Variants in ARAP1 observed in about 807,000 individuals in gnomAD.
ARAP1 encodes arf-GAP with Rho-GAP domain, ANK repeat and PH domain-containing protein 1.
Under a neutral mutation model 172.2 loss-of-function variants are expected in ARAP1, and 76 were observed. The observed-to-expected ratio is 0.44, with a 90% CI of 0.37 to 0.53. ARAP1 has a LOEUF of 0.53. Among genes scored for constraint, ARAP1 ranks in the 20% least tolerant of loss-of-function variants. The probability of loss-of-function intolerance (pLI) is 0.00; values close to 1 mark genes in which losing one functional copy is unlikely to be tolerated. For synonymous variants in ARAP1, 804 were observed against 803.3 expected, an observed-to-expected ratio of 1.00 and a Z score of -0.01; for missense variants, 1,686 against 1,977.5, an observed-to-expected ratio of 0.85 and a Z score of 2.80.
chr11:72,699,623 C>G lies in ARAP1; in HGVS notation c.2303-71G>C. 1.9e-6 allele frequency: 3 copies of G among 1,544,276 alleles called. No homozygotes were observed. Among genetic ancestry groups the G allele is most frequent in the Middle Eastern group, 2.1e-4 (1 of 4,860 alleles). ...CCTGAAAACCACCTCTGCATCCTCCCGGGGCTCCTGCTCCCATCTGACCCA... is the reference window on the plus strand; with the variant it reads ...CCTGAAAACCACCTCTGCATCCTCCGGGGGCTCCTGCTCCCATCTGACCCA... On this transcript the variant is annotated intron_variant, in intron 16 of 34. Transcript: ENST00000393609. The surrounding 1 kb of genome is among the most constrained non-coding windows in gnomAD (Gnocchi z 4.2).
Position 72,728,317 on chromosome 11 carries a change from A to G in ARAP1, c.-44-1145T>C, listed in dbSNP as rs139392062. Reference sequence around the variant, plus strand: ...AATTAATATAACAGACTGGCCGGGCACAACTATAATCCTAGCACTTTAGGA... The same window carrying G: ...AATTAATATAACAGACTGGCCGGGCGCAACTATAATCCTAGCACTTTAGGA... On this transcript the variant is annotated intron_variant, in intron 2 of 34. Coordinates refer to ENST00000393609, the MANE Select transcript of ARAP1 (RefSeq NM_001040118.3). Among the ~76,000 whole-genome samples, 6 of 152,360 alleles carry G rather than the reference A, an allele frequency of 3.9e-5. No individual in the cohort carries two copies. In the East Asian group the frequency reaches 1.2e-3, roughly 29 times the overall value.
chr11:72,713,405 C>T (rs923269028), intron 4 of ARAP1, among the ~76,000 whole-genome samples, 162 bp from the exon 5 acceptor site: 2 of 152,150 alleles, frequency 1.3e-5, no homozygotes, highest in African/African-American at 2.4e-5. Flanking sequence ...GCGATTTATA[C>T]CCCCAGGCCT....
In ARAP1 at chr11:72,712,238, G is replaced by C. The variant is rs1404801891; in HGVS notation, c.980C>G (p.Pro327Arg). The C allele has an allele frequency of 1.2e-6, 2 of 1,608,114 alleles. No individual in the cohort carries two copies. Among genetic ancestry groups the C allele is most frequent in the Non-Finnish European group, 1.7e-6 (2 of 1,177,522 alleles). The change falls in exon 7 of 35, where the codon CCA becomes CGA. Residue 327 changes from proline to arginine, a missense_variant. Transcript: ENST00000393609. ...GTCCAGCCAGCCAGCCTTGATGACT[G>C]GTGTGACGGGGGTGGAGCCCCCAGG... The part of the protein sequence containing the change: ...GPPGGSTPVT[P>R]VIKAGWLDKN...
chr11:72,735,669 T>C (rs976651612), intron 1 of ARAP1, among the ~76,000 whole-genome samples: 11 of 152,174 alleles, frequency 7.2e-5, no homozygotes, highest in African/African-American at 2.2e-4. Context: ...CACAGATTGA[T>C]AGATGACGGT....
rs776178435 is a variant in ARAP1, at chr11:72,699,492, C to T, written c.2363G>A (p.Arg788Gln). ...DGVLSYFENE[R>Q]AVTPNGEIRA... ...AATCTCTCCATTGGGGGTCACTGCCCGCTCATTCTCAAAGTAGCTCAGGAC... is the reference window on the plus strand; with the variant it reads ...AATCTCTCCATTGGGGGTCACTGCCTGCTCATTCTCAAAGTAGCTCAGGAC... The change falls in exon 17 of 35, where the codon CGG (arginine) becomes CAG (glutamine). Residue 788 changes from arginine (R) to glutamine (Q), a missense_variant. Around this residue, in one of 5 missense-constraint regions of ARAP1, gnomAD observed 688 missense variants for 856.9 expected, o/e 0.80. Transcript: ENST00000393609. This position sits in a 1 kb window ranked among gnomAD's most constrained non-coding sequence, Gnocchi z 4.2. The T allele has an allele frequency of 1.7e-5, 28 of 1,613,860 alleles. No homozygotes were observed. Among genetic ancestry groups the T allele is most frequent in the East Asian group, 2.2e-5 (1 of 44,884 alleles).
At chr11:72,724,213 C>A (rs527548388) in intron 3 of ARAP1, among the ~76,000 whole-genome samples, 1 of 152,274 alleles carries the variant, frequency 6.6e-6, no homozygotes, top group African/African-American at 2.4e-5. Flanking sequence ...TGGGTGCACA[C>A]ACAGACTGGC....
chr11:72,693,304 G>A lies in ARAP1; in HGVS notation c.3954+21C>T, dbSNP rs987478780. On this transcript the variant is annotated intron_variant, in intron 29 of 34. Transcript: ENST00000393609. The surrounding 1 kb of genome is among the most constrained non-coding windows in gnomAD (Gnocchi z 4.6). ...GTGTACAGGTGCCCACCCTGGGGCA[G>A]AACCCAGCGGGGCCACTTACCCGGA... 4.3e-6 allele frequency: 7 copies of A among 1,611,852 alleles called. No homozygotes were observed. Among genetic ancestry groups the A allele is most frequent in the Non-Finnish European group, 5.9e-6 (7 of 1,178,696 alleles).
At position 72,749,804 on chromosome 11, in the gene ARAP1, C is replaced by T. The variant is rs796752826; in HGVS notation, c.-128+2524G>A. On this transcript the variant is annotated intron_variant, in intron 1 of 34. Transcript: ENST00000393609. ...GGCTGAGGCAGGAGAATGGCATGAA[C>T]CCAGAAGGTGGAGCCAAGATTGTGC... is the stretch of plus-strand genomic sequence containing the variant. 2.0e-5 allele frequency among the ~76,000 whole-genome samples: 3 copies of T among 151,954 alleles called. No individual in the cohort carries two copies. The East Asian group carries it at 5.8e-4, about 29-fold the overall frequency.
chr11:72,747,239 A>G (rs1050056281), intron 1 of ARAP1, among the ~76,000 whole-genome samples: 1 of 152,286 alleles, frequency 6.6e-6, no homozygotes, highest in South Asian at 2.1e-4. Context: ...CCCTCACAAC[A>G]GTGAGGATAA....
At chr11:72,713,008 G>T in intron 5 of ARAP1, 168 bp downstream of exon 5, 1 of 718,570 alleles carries the variant, frequency 1.4e-6, no homozygotes, top group Non-Finnish European at 2.3e-6. Context: ...GAGCGCTGTG[G>T]CTACACGTGA....
chr11:72,685,506 G>A lies in ARAP1; in HGVS notation c.*158C>T. The A allele has an allele frequency of 1.9e-6, 2 of 1,057,950 alleles. No homozygotes were observed. The highest frequency in any genetic ancestry group is 1.6e-5 in the African/African-American group (1 of 63,414). The allele number at this position is 1,057,950 out of a possible 1,614,324, so 65.5% of individuals were successfully genotyped here. A position where few individuals can be genotyped will look rare whatever the true frequency, so the allele number is the denominator to read the frequency against. On this transcript the variant is annotated 3_prime_UTR_variant, in exon 35 of 35. Coordinates refer to ENST00000393609, the MANE Select transcript of ARAP1 (RefSeq NM_001040118.3). Reference sequence around the variant, plus strand: ...CCCCTGCTGCCTCCCACCCCTGCCGGGGAACCCCATGCTGCAGTCAGGATG... The same window carrying A: ...CCCCTGCTGCCTCCCACCCCTGCCGAGGAACCCCATGCTGCAGTCAGGATG...
chr11:72,734,863 A>G (rs1857969126), intron 1 of ARAP1, among the ~76,000 whole-genome samples: 2 of 151,744 alleles, frequency 1.3e-5, no homozygotes, highest in South Asian at 4.2e-4. Context: ...AAAAGAATGC[A>G]AAATATCTCA....
rs1172110666 is a variant in ARAP1, at chr11:72,685,685, C to G, written c.4336-4G>C. 6.2e-7 allele frequency: 1 copy of G among 1,614,012 alleles called. No homozygotes were observed. Among genetic ancestry groups the G allele is most frequent in the Non-Finnish European group, 8.5e-7 (1 of 1,179,888 alleles). ...GTGCTCAGACGTTGCGCAGAAGCTG[C>G]AGGAAGGCAAGAGACCCACAGGTAT... On this transcript the variant is annotated splice_polypyrimidine_tract_variant and splice_region_variant and intron_variant, in intron 34 of 34. Transcript: ENST00000393609.
chr11:72,685,581 A>G lies in ARAP1; in HGVS notation c.*83T>C. Reference sequence around the variant, plus strand: ...TTTCCCATGCACCCCCCGCTGGCTCACATCAGGCCTTGGAGCATAAGGGGT... The same window carrying G: ...TTTCCCATGCACCCCCCGCTGGCTCGCATCAGGCCTTGGAGCATAAGGGGT... On this transcript the variant is annotated 3_prime_UTR_variant, in exon 35 of 35. Coordinates refer to ENST00000393609, the MANE Select transcript of ARAP1 (RefSeq NM_001040118.3). 1.3e-6 allele frequency: 2 copies of G among 1,585,128 alleles called. No homozygotes were observed. The highest frequency in any genetic ancestry group is 3.4e-5 in the Admixed American group (2 of 59,672).
intron 3 of ARAP1, among the ~76,000 whole-genome samples, chr11:72,714,629 TG>T (rs1425876359): frequency 3.3e-5 from 5 of 152,206 alleles, no homozygotes; most frequent in Middle Eastern, 3.4e-3. Flanking sequence ...AAGACCAGAA[TG>T]GGGAGTCAGG....
chr11:72,749,649 T>C (rs11603349), intron 1 of ARAP1, among the ~76,000 whole-genome samples: 19,539 of 151,954 alleles, frequency 0.13, 1,498 homozygotes, highest in South Asian at 0.2. Context: ...TTTGGGAGGC[T>C]GAGGCGGGCA....
At position 72,710,851 on chromosome 11, in the gene ARAP1, C is replaced by T. The variant is rs1242157865; in HGVS notation, c.1213+170G>A. On this transcript the variant is annotated intron_variant, in intron 9 of 34. Coordinates refer to ENST00000393609, the MANE Select transcript of ARAP1 (RefSeq NM_001040118.3). This position sits in a 1 kb window ranked among gnomAD's most constrained non-coding sequence, Gnocchi z 4.3. ...TCAGTGACCGTGCCAAGCACAGAGCCGGTCACAGAGGGTGCCCCCTTCCTC... is the reference window on the plus strand; with the variant it reads ...TCAGTGACCGTGCCAAGCACAGAGCTGGTCACAGAGGGTGCCCCCTTCCTC... Among the ~76,000 whole-genome samples, 1 of 152,204 alleles carries T rather than the reference C, an allele frequency of 6.6e-6. No homozygotes were observed. Among genetic ancestry groups the T allele is most frequent in the East Asian group, 1.9e-4 (1 of 5,192 alleles).
chr11:72,697,007 G>C lies in ARAP1; in HGVS notation c.3142C>G (p.Arg1048Gly). The C allele has an allele frequency of 2.5e-6, 4 of 1,607,582 alleles. No homozygotes were observed. Among genetic ancestry groups the C allele is most frequent in the Non-Finnish European group, 3.4e-6 (4 of 1,179,784 alleles). The change falls in exon 22 of 35, where the codon CGC becomes GGC. Residue 1048 changes from arginine to glycine, a missense_variant. Physicochemically the swap from Arg to Gly is moderately radical, Grantham distance 125. Around this residue, in one of 5 missense-constraint regions of ARAP1, gnomAD observed 274 missense variants for 262.7 expected, o/e 1.04. Coordinates refer to ENST00000393609, the MANE Select transcript of ARAP1 (RefSeq NM_001040118.3). Reference sequence around the variant, plus strand: ...CCTGAGGCCTCCAGCCAGGTTAGGCGCTGGGCGCGAGTGAAGAGCCCATCA... The same window carrying C: ...CCTGAGGCCTCCAGCCAGGTTAGGCCCTGGGCGCGAGTGAAGAGCCCATCA... ...LPDGLFTRAQ[R>G]LTWLEASEIE...
intron 1 of ARAP1, among the ~76,000 whole-genome samples, chr11:72,740,065 GAA>G (rs1858154920): frequency 6.6e-6 from 1 of 152,182 alleles, no homozygotes; most frequent in Non-Finnish European, 1.5e-5. Context: ...AGGCAAATAA[GAA>G]AAAGATTCCT....
Sources: gnomAD v4.1 joint callset for allele counts (sites outside exome capture counted in the v4.1 genomes callset) on GRCh38, gnomAD v4.1.1 for gene constraint, gnomAD v4.1.1 regional missense constraint, Gnocchi (gnomAD v3.1) non-coding constraint, MANE v1.5 for transcripts, NCBI Gene and HGNC (gene_info 2026-07-23, HGNC 2026-07-21) for gene names.